The following RBFOX1 variants were observed in gnomAD, a reference collection of about 807,000 sequenced individuals.
RBFOX1 encodes RNA binding protein fox-1 homolog 1.
In RBFOX1, 8 loss-of-function variants were observed where a neutral mutation model predicts 57.7. The observed-to-expected ratio is 0.14, with a 90% confidence interval of 0.08 to 0.25. The LOEUF (loss-of-function observed/expected upper bound fraction) is 0.25. Among genes scored for constraint, RBFOX1 ranks in the 10% least tolerant of loss-of-function variants. The probability of loss-of-function intolerance (pLI) is 1.00; values close to 1 mark genes in which losing one functional copy is unlikely to be tolerated. For synonymous variants in RBFOX1, 326 were observed against 222.4 expected, an observed-to-expected ratio of 1.47 and a Z score of -4.15; for missense variants, 611 against 548.5, an observed-to-expected ratio of 1.11 and a Z score of -1.14.
chr16:7,522,578 A>C (rs1233721255), intron 5 of RBFOX1, among the ~76,000 whole-genome samples: 1 of 152,136 alleles, frequency 6.6e-6, no homozygotes, highest in Non-Finnish European at 1.5e-5. Flanking sequence ...AAATATTTGG[A>C]GTGATGAGGA....
intron 3 of RBFOX1, among the ~76,000 whole-genome samples, chr16:5,706,881 G>A (rs2051268749): frequency 6.6e-6 from 1 of 152,044 alleles, no homozygotes; most frequent in Non-Finnish European, 1.5e-5. Context: ...AGGATTTAGG[G>A]TGGGGTTCCT....
At chr16:6,315,957 AT>A (rs1567920387) in intron 1 of RBFOX1, among the ~76,000 whole-genome samples, 2 of 152,214 alleles carry the variant, frequency 1.3e-5, no homozygotes. Flanking sequence ...AGATATACCT[AT>A]CACATTAGGA....
At chr16:6,199,329 T>G (rs925053188) in intron 1 of RBFOX1, among the ~76,000 whole-genome samples, 9 of 152,206 alleles carry the variant, frequency 5.9e-5, no homozygotes, top group Non-Finnish European at 8.8e-5. Context: ...TTTCCCCTAA[T>G]AGAATGCCAT....
intron 3 of RBFOX1, among the ~76,000 whole-genome samples, chr16:6,806,981 G>A (rs368874699): frequency 3.2e-4 from 49 of 151,146 alleles, no homozygotes; most frequent in African/African-American, 1.1e-3. Flanking sequence ...TTGCAGGCAC[G>A]TCTCACCACG....
At chr16:6,976,981 C>T (rs1598905363) in intron 3 of RBFOX1, among the ~76,000 whole-genome samples, 1 of 146,342 alleles carries the variant, frequency 6.8e-6, no homozygotes, top group Non-Finnish European at 1.5e-5. Context: ...TATCACATAT[C>T]ATATATATCA....
intron 4 of RBFOX1, among the ~76,000 whole-genome samples, chr16:7,211,556 A>G (rs1329969192): frequency 6.6e-6 from 1 of 152,200 alleles, no homozygotes; most frequent in East Asian, 1.9e-4. Flanking sequence ...TAAAGCAAAC[A>G]AACAAAAAAG....
At chr16:6,231,216 T>TTG (rs530803836) in intron 1 of RBFOX1, among the ~76,000 whole-genome samples, 57,827 of 144,922 alleles carry the variant, frequency 0.4, 11,564 homozygotes, top group Middle Eastern at 0.52. Flanking sequence ...GTGTATGTGT[T>TTG]TGTGTGTGTG....
At chr16:6,265,171 A>G (rs1433010271) in intron 1 of RBFOX1, among the ~76,000 whole-genome samples, 1 of 152,146 alleles carries the variant, frequency 6.6e-6, no homozygotes, top group East Asian at 1.9e-4. Context: ...AAGGAACATT[A>G]TGCTCTTCGC....
At position 6,063,173 on chromosome 16, in the gene RBFOX1, T is replaced by G. The variant is rs77855177; in HGVS notation, c.-127+43181T>G. On this transcript the variant is annotated intron_variant, in intron 1 of 15. Transcript: ENST00000550418. ...ACATACGCTGACCATCCCAGCATCC[T>G]TTATCATCTTGATGAGCTTGATCAC... Among the ~76,000 whole-genome samples, 30 of 152,102 alleles carry G rather than the reference T, an allele frequency of 2.0e-4. No individual in the cohort carries two copies. The East Asian group carries it at 5.8e-3, about 29-fold the overall frequency.
intron 3 of RBFOX1, among the ~76,000 whole-genome samples, chr16:7,016,655 C>T (rs561359772): frequency 1.3e-5 from 2 of 152,294 alleles, no homozygotes; most frequent in East Asian, 1.9e-4. Context: ...GATGCAAAAC[C>T]AGAAAGTGGA....
chr16:7,577,624 A>G (rs925255673), intron 5 of RBFOX1, among the ~76,000 whole-genome samples: 2 of 152,158 alleles, frequency 1.3e-5, no homozygotes, highest in Non-Finnish European at 2.9e-5. Context: ...GTCTCTGGGG[A>G]TGGTGGCTCA....
chr16:6,372,722 G>T (rs1371937218), intron 2 of RBFOX1, among the ~76,000 whole-genome samples: 2 of 151,896 alleles, frequency 1.3e-5, no homozygotes, highest in African/African-American at 2.4e-5. Context: ...GTGGAATGGA[G>T]ATTGGGTGGA....
intron 1 of RBFOX1, among the ~76,000 whole-genome samples, chr16:5,324,412 A>G (rs537846369): frequency 3.5e-4 from 54 of 152,240 alleles, no homozygotes; most frequent in African/African-American, 1.2e-3. Context: ...GCAGTGAGCC[A>G]AGATCACGAC....
At chr16:5,612,212 C>CTCCAT (rs1555482261) in intron 3 of RBFOX1, among the ~76,000 whole-genome samples, 2 of 143,922 alleles carry the variant, frequency 1.4e-5, no homozygotes, top group Non-Finnish European at 3.0e-5. Context: ...CCCCTCCACT[C>CTCCAT]TCATTCATTC....
intron 2 of RBFOX1, among the ~76,000 whole-genome samples, chr16:6,622,821 A>C (rs754189629): frequency 1.3e-5 from 2 of 152,206 alleles, no homozygotes; most frequent in African/African-American, 4.8e-5. Context: ...CTCATAACAC[A>C]TTGCTAGGCA....
intron 4 of RBFOX1, among the ~76,000 whole-genome samples, chr16:7,103,253 T>C (rs2063004279): frequency 6.6e-6 from 1 of 152,162 alleles, no homozygotes; most frequent in African/African-American, 2.4e-5. Flanking sequence ...CAACTTTGAT[T>C]TCCAGAACTT....
intron 3 of RBFOX1, among the ~76,000 whole-genome samples, chr16:6,770,248 C>A (rs933265305): frequency 2.0e-5 from 3 of 152,162 alleles, no homozygotes; most frequent in African/African-American, 7.2e-5. Flanking sequence ...AAAGTACTTA[C>A]CACATCTCCA....
At chr16:7,487,672 CACAG>C (rs2065784133) in intron 4 of RBFOX1, among the ~76,000 whole-genome samples, 1 of 152,160 alleles carries the variant, frequency 6.6e-6, no homozygotes, top group Admixed American at 6.5e-5. Context: ...GCACCACACG[CACAG>C]ACACTCACAC....
intron 3 of RBFOX1, among the ~76,000 whole-genome samples, chr16:6,852,745 T>G (rs2094137236): frequency 6.6e-6 from 1 of 151,392 alleles, no homozygotes; most frequent in Non-Finnish European, 1.5e-5. Context: ...GCTGTCTAGG[T>G]GAGATGCATG....
Sources: allele counts gnomAD v4.1 joint callset (sites outside exome capture counted in the v4.1 genomes callset), GRCh38; gene constraint gnomAD v4.1.1; transcripts MANE v1.5; gene names NCBI Gene and HGNC (gene_info 2026-07-23, HGNC 2026-07-21).